The following PRKCG variants were observed in gnomAD, a reference collection of about 807,000 sequenced individuals.
The protein encoded by PRKCG is protein kinase C gamma type.
PRKCG carries 28 observed loss-of-function variants against 82.0 expected under a neutral mutation model. The ratio of observed to expected loss-of-function variants is 0.34; its 90% CI spans 0.25 to 0.47. The LOEUF (loss-of-function observed/expected upper bound fraction) is 0.47. Ranked by LOEUF, PRKCG falls within the 20% of genes least tolerant of loss-of-function variation. PRKCG has a pLI of 1.00. For missense variants in PRKCG, 640 were observed against 952.7 expected, an observed-to-expected ratio of 0.67 and a Z score of 4.32; for synonymous variants, 383 against 376.6, an observed-to-expected ratio of 1.02 and a Z score of -0.20.
In PRKCG at chr19:53,906,196, C is replaced by T. The variant is rs528437723; in HGVS notation, c.1765-121C>T. On this transcript the variant is annotated intron_variant, in intron 16 of 17. Transcript: ENST00000263431. ...TTTCCCCTGGCTGTTCTTATCTCTC[C>T]GGATCTCATGCCTGTGTCTCTTGGT... The T allele has an allele frequency of 7.0e-5, 93 of 1,319,772 alleles. No individual in the cohort carries two copies. In the African/African-American group the frequency reaches 1.0e-3, roughly 15 times the overall value. The allele number at this position is 1,319,772 out of a possible 1,614,324, so 81.8% of individuals were successfully genotyped here.
intron 15 of PRKCG, among the ~76,000 whole-genome samples, chr19:53,903,414 T>C (rs921067857): frequency 7.2e-5 from 11 of 152,216 alleles, no homozygotes; most frequent in Non-Finnish European, 1.5e-4. Context: ...AGAATGTTTT[T>C]CAATGCACAA....
intron 9 of PRKCG, among the ~76,000 whole-genome samples, chr19:53,894,156 C>G (rs1310883705): frequency 6.6e-6 from 1 of 152,126 alleles, no homozygotes; most frequent in Admixed American, 6.5e-5. Context: ...AGCTCCGCCT[C>G]CTGGGTTCAC....
In PRKCG at chr19:53,882,748, AG is replaced by A; in HGVS notation, c.170+86del. The A allele has an allele frequency of 3.9e-6, 6 of 1,544,040 alleles. No individual in the cohort carries two copies. The highest frequency in any genetic ancestry group is 5.3e-6 in the Non-Finnish European group (6 of 1,141,088). On this transcript the variant is annotated intron_variant, in intron 1 of 17. Coordinates refer to ENST00000263431, the MANE Select transcript of PRKCG (RefSeq NM_002739.5). This position sits in a 1 kb window ranked among gnomAD's most constrained non-coding sequence, Gnocchi z 6.1. ...CACGCCGACCCCTGTGGAAGGAAGA[AG>A]GAGGGGGCTGTAGTCCCGACTCCCA...
chr19:53,886,878 A>C (rs1302600340), intron 3 of PRKCG, among the ~76,000 whole-genome samples: 1 of 152,240 alleles, frequency 6.6e-6, no homozygotes, highest in Non-Finnish European at 1.5e-5. Context: ...TGTAAAGTGG[A>C]GATGATAATT....
rs760120162 is a variant in PRKCG at position 53,904,657 on chromosome 19, A to G, written c.1679A>G (p.Glu560Gly). ...TAGCCTCCCTTCGATGGGGAGGACG[A>G]GGAGGAGCTGTTTCAGGCCATCATG... Reference protein sequence around the residue: ...AGQPPFDGEDEEELFQAIMEQ... With the variant: ...AGQPPFDGEDGEELFQAIMEQ... Residue 560 changes from glutamate (E) to glycine (G), a missense_variant, in exon 16 of 18, where the codon GAG becomes GGG. Glu to Gly is a moderately conservative substitution (Grantham distance 98, BLOSUM62 -2). Around this residue, in one of 7 missense-constraint regions of PRKCG, gnomAD observed 198 missense variants for 273.4 expected, o/e 0.72. Transcript: ENST00000263431. The G allele has an allele frequency of 6.2e-7, 1 of 1,613,506 alleles. No homozygotes were observed. Among genetic ancestry groups the G allele is most frequent in the African/African-American group, 1.3e-5 (1 of 74,802 alleles).
At chr19:53,899,346 C>G (rs546639554) in intron 11 of PRKCG, among the ~76,000 whole-genome samples, 1 of 152,280 alleles carries the variant, frequency 6.6e-6, no homozygotes, top group South Asian at 2.1e-4. Context: ...CAAAGGGGCA[C>G]AGTGGAGGAG....
chr19:53,883,047 T>A lies in PRKCG; in HGVS notation c.171-116T>A, dbSNP rs1244334075. ...CTAGAAAGAGGAGGTGGCCGGGGCTTGGACACCTGGGCCCTGCGGGAGGAG... is the reference window on the plus strand; with the variant it reads ...CTAGAAAGAGGAGGTGGCCGGGGCTAGGACACCTGGGCCCTGCGGGAGGAG... On this transcript the variant is annotated intron_variant, in intron 1 of 17. Coordinates refer to ENST00000263431, the MANE Select transcript of PRKCG (RefSeq NM_002739.5). The surrounding 1 kb of genome is among the most constrained non-coding windows in gnomAD (Gnocchi z 5.4). 12 of 1,362,462 alleles carry A rather than the reference T, an allele frequency of 8.8e-6. No individual in the cohort carries two copies. The highest frequency in any genetic ancestry group is 1.2e-5 in the Non-Finnish European group (11 of 954,634). 84.4% of individuals were successfully genotyped at this position (1,362,462 alleles called of 1,614,324 possible).
chr19:53,885,957 C>T (rs888503043), intron 3 of PRKCG, among the ~76,000 whole-genome samples: 5 of 150,562 alleles, frequency 3.3e-5, no homozygotes, highest in South Asian at 2.1e-4. Flanking sequence ...CCCAGCTACT[C>T]GGGAGGCTGA....
chr19:53,889,512 A>G lies in PRKCG; in HGVS notation c.286-126A>G. The G allele has an allele frequency of 1.4e-6, 1 of 718,954 alleles. No individual in the cohort carries two copies. The highest frequency in any genetic ancestry group is 2.5e-6 in the Non-Finnish European group (1 of 397,714). 44.5% of individuals were successfully genotyped at this position (718,954 alleles called of 1,614,324 possible). A position where few individuals can be genotyped will look rare whatever the true frequency, so the allele number is the denominator to read the frequency against. ...AGGTGCTCAATGATTATTGGTACAT[A>G]GAGTGAAAGAGATGGAGCCTCAGGC... On this transcript the variant is annotated intron_variant, in intron 3 of 17. Transcript: ENST00000263431. This position sits in a 1 kb window ranked among gnomAD's most constrained non-coding sequence, Gnocchi z 4.4.
In PRKCG at chr19:53,900,258, A is replaced by G; in HGVS notation, c.1307A>G (p.Tyr436Cys). ...TPDRLYFVME[Y>C]VTGGDLMYHI... ...GACCGCCTGTATTTCGTGATGGAGT[A>G]CGTCACCGGGGGAGACTTGATGTAC... Residue 436 changes from tyrosine to cysteine, a missense_variant, in exon 12 of 18, where the codon TAC becomes TGC. By Grantham distance (194) the Tyr-to-Cys change is radical (BLOSUM62 -2). Around this residue, in one of 7 missense-constraint regions of PRKCG, gnomAD observed 78 missense variants for 105.6 expected, o/e 0.74. Transcript: ENST00000263431. The surrounding 1 kb of genome is among the most constrained non-coding windows in gnomAD (Gnocchi z 4.2). 1.9e-6 allele frequency: 3 copies of G among 1,614,122 alleles called. No homozygotes were observed. The highest frequency in any genetic ancestry group is 2.5e-6 in the Non-Finnish European group (3 of 1,180,014).
chr19:53,898,365 T>A, intron 10 of PRKCG, 75 bp from the exon 11 acceptor site: 1 of 1,563,814 alleles, frequency 6.4e-7, no homozygotes, highest in Non-Finnish European at 8.8e-7. Flanking sequence ...TTTCCCTGCG[T>A]CCCTTAGGGA....
At chr19:53,886,736 G>A (rs940015758) in intron 3 of PRKCG, among the ~76,000 whole-genome samples, 1 of 152,118 alleles carries the variant, frequency 6.6e-6, no homozygotes, top group Non-Finnish European at 1.5e-5. Flanking sequence ...TACAGTATAG[G>A]TTGGATCCAC....
chr19:53,906,558 G>C, intron 17 of PRKCG, 101 bp downstream of exon 17: 1 of 1,557,942 alleles, frequency 6.4e-7, no homozygotes, highest in South Asian at 1.1e-5. Context: ...CCTCTGCAGA[G>C]CCCCCCGCCC....
chr19:53,889,810 G>A lies in PRKCG; in HGVS notation c.397+61G>A. The A allele has an allele frequency of 2.5e-6, 4 of 1,584,456 alleles. No homozygotes were observed. Among genetic ancestry groups the A allele is most frequent in the Non-Finnish European group, 3.4e-6 (4 of 1,165,202 alleles). ...GCGCCCGGTCTGGGTTCCGGGAAATGCCCGGGATGGGGTGGGGGGTGGAGT... is the reference window on the plus strand; with the variant it reads ...GCGCCCGGTCTGGGTTCCGGGAAATACCCGGGATGGGGTGGGGGGTGGAGT... On this transcript the variant is annotated intron_variant, in intron 4 of 17. Transcript: ENST00000263431. This position sits in a 1 kb window ranked among gnomAD's most constrained non-coding sequence, Gnocchi z 4.4.
At chr19:53,894,207 A>T (rs962329090) in intron 9 of PRKCG, among the ~76,000 whole-genome samples, 2 of 151,912 alleles carry the variant, frequency 1.3e-5, no homozygotes, top group African/African-American at 4.8e-5. Flanking sequence ...CTGGGACTAC[A>T]GGCGCCCACC....
rs2068687667 is a variant in PRKCG, at chr19:53,892,770, A to ACACACACACACG, written c.821+137_821+148dup. On this transcript the variant is annotated intron_variant, in intron 7 of 17. Transcript: ENST00000263431. The surrounding 1 kb of genome is among the most constrained non-coding windows in gnomAD (Gnocchi z 5.9). ...AGCATGCGCACACACACACACACACACACACACACACGCACACACACGCAC... is the reference window on the plus strand; with the variant it reads ...AGCATGCGCACACACACACACACACACACACACACACGCACACACACACGCACACACACGCAC... The ACACACACACACG allele has an allele frequency of 3.1e-5, 38 of 1,211,114 alleles. No homozygotes were observed. The highest frequency in any genetic ancestry group is 1.0e-4 in the Admixed American group (5 of 48,278). 75.0% of individuals were successfully genotyped at this position (1,211,114 alleles called of 1,614,324 possible).
rs2068608631 is a variant in PRKCG, at chr19:53,883,497, G to A, written c.202+303G>A. 6.6e-6 allele frequency among the ~76,000 whole-genome samples: 1 copy of A among 151,980 alleles called. No individual in the cohort carries two copies. The highest frequency in any genetic ancestry group is 6.6e-5 in the Admixed American group (1 of 15,264). ...GGGAGCTGAAGGGGGGAAGGGGGAG[G>A]GGGCTGGAGATGCAAAGTCAGAGCC... On this transcript the variant is annotated intron_variant, in intron 2 of 17. Transcript: ENST00000263431. The surrounding 1 kb of genome is among the most constrained non-coding windows in gnomAD (Gnocchi z 5.4).
intron 8 of PRKCG, 132 bp from the exon 9 acceptor site, chr19:53,893,230 C>A: frequency 7.8e-7 from 1 of 1,280,070 alleles, no homozygotes; most frequent in Non-Finnish European, 1.1e-6. Flanking sequence ...GGGACTCGAG[C>A]CCCAGGGTCT....
At chr19:53,903,231 GA>G in intron 15 of PRKCG, 78 bp downstream of exon 15, 1 of 1,140,844 alleles carries the variant, frequency 8.8e-7, no homozygotes, top group Non-Finnish European at 1.3e-6. Context: ...GAGCCAGTTA[GA>G]AAGGAGCCCA....
Sources: allele counts gnomAD v4.1 joint callset (sites outside exome capture counted in the v4.1 genomes callset), GRCh38; gene constraint gnomAD v4.1.1; regional missense constraint gnomAD v4.1.1; non-coding constraint Gnocchi (gnomAD v3.1); transcripts MANE v1.5; gene names NCBI Gene and HGNC (gene_info 2026-07-23, HGNC 2026-07-21).